Variants in ARHGAP26 observed in about 807,000 individuals in gnomAD.
ARHGAP26 encodes Rho GTPase activating protein 26.
In ARHGAP26, 38 loss-of-function variants were observed where a neutral mutation model predicts 104.8. The observed-to-expected ratio is 0.36, with a 90% CI of 0.28 to 0.48. The LOEUF is 0.48. Among genes scored for constraint, ARHGAP26 ranks in the 20% least tolerant of loss-of-function variants. The probability of loss-of-function intolerance (pLI) is 0.99; values close to 1 mark genes in which losing one functional copy is unlikely to be tolerated. For synonymous variants in ARHGAP26, 341 were observed against 340.0 expected (o/e 1.00, Z -0.03); for missense variants, 704 against 947.9 (o/e 0.74, Z 3.38).
intron 12 of ARHGAP26, among the ~76,000 whole-genome samples, chr5:143,032,958 T>C (rs1782104827): frequency 6.6e-6 from 1 of 152,230 alleles, no homozygotes; most frequent in Non-Finnish European, 1.5e-5. Context: ...GTTGATAACC[T>C]GTATTTCTTG....
intron 1 of ARHGAP26, among the ~76,000 whole-genome samples, chr5:142,795,481 A>C (rs1760805011): frequency 6.6e-6 from 1 of 152,068 alleles, no homozygotes; most frequent in Non-Finnish European, 1.5e-5. Flanking sequence ...AGGTTTTGGG[A>C]ACTTGGTGCC....
intron 11 of ARHGAP26, among the ~76,000 whole-genome samples, chr5:142,957,556 A>G (rs191284905): frequency 1.1e-3 from 164 of 152,316 alleles, no homozygotes; most frequent in African/African-American, 3.7e-3. Context: ...CATGTGCATA[A>G]TAGACAGTAG....
intron 20 of ARHGAP26, among the ~76,000 whole-genome samples, chr5:143,169,285 A>G (rs554303416): frequency 6.6e-6 from 1 of 152,386 alleles, no homozygotes; most frequent in South Asian, 2.1e-4. Flanking sequence ...AGTAACAGAA[A>G]ACCTAGCCCA....
At chr5:143,154,517 GGTAT>G (rs1241749098) in intron 20 of ARHGAP26, among the ~76,000 whole-genome samples, 1 of 152,196 alleles carries the variant, frequency 6.6e-6, no homozygotes, top group Non-Finnish European at 1.5e-5. Context: ...CCTCAGCCAT[GGTAT>G]GTATTTTTCC....
intron 20 of ARHGAP26, among the ~76,000 whole-genome samples, chr5:143,203,910 G>A (rs1363785737): frequency 6.6e-6 from 1 of 151,902 alleles, no homozygotes; most frequent in Non-Finnish European, 1.5e-5. Context: ...ACACACCGGG[G>A]CCTGTCAGGG....
intron 1 of ARHGAP26, among the ~76,000 whole-genome samples, chr5:142,773,296 C>A (rs1430805266): frequency 3.9e-5 from 6 of 152,138 alleles, no homozygotes; most frequent in African/African-American, 1.4e-4. Flanking sequence ...TTTAGATAAT[C>A]TATGTTCTCT....
chr5:142,998,751 AAAG>A (rs1185985932), intron 11 of ARHGAP26, among the ~76,000 whole-genome samples: 1 of 152,200 alleles, frequency 6.6e-6, no homozygotes, highest in Non-Finnish European at 1.5e-5. Context: ...GAACAAAAAA[AAAG>A]AAAAAGGAAA....
chr5:143,023,870 G>GCCCTCCTCCCCACA (rs1262960541), intron 12 of ARHGAP26, among the ~76,000 whole-genome samples: 4 of 152,248 alleles, frequency 2.6e-5, no homozygotes, highest in African/African-American at 9.6e-5. Context: ...GTTCCTTCCT[G>GCCCTCCTCCCCACA]CCCTCCTCCC....
At chr5:142,875,966 C>T (rs1756025218) in intron 3 of ARHGAP26, among the ~76,000 whole-genome samples, 1 of 152,194 alleles carries the variant, frequency 6.6e-6, no homozygotes. Context: ...TGATCTCGAA[C>T]TCCAAACCTT....
chr5:143,033,629 T>C (rs1017875307), intron 12 of ARHGAP26, among the ~76,000 whole-genome samples: 2 of 152,308 alleles, frequency 1.3e-5, no homozygotes, highest in African/African-American at 4.8e-5. Flanking sequence ...TTTATCGATG[T>C]TCAGAGGGTA....
intron 10 of ARHGAP26, among the ~76,000 whole-genome samples, chr5:142,926,783 C>T (rs1763967866): frequency 6.6e-6 from 1 of 152,148 alleles, no homozygotes; most frequent in African/African-American, 2.4e-5. Flanking sequence ...TGAAACTATA[C>T]ACACCTGCCC....
chr5:142,787,995 C>CT (rs71576156), intron 1 of ARHGAP26, among the ~76,000 whole-genome samples: 22,281 of 132,764 alleles, frequency 0.17, 4,154 homozygotes, highest in African/African-American at 0.47. Flanking sequence ...TTAACCAATT[C>CT]TTTTTTTTTT....
chr5:143,099,272 G>A (rs1178471766), intron 17 of ARHGAP26, among the ~76,000 whole-genome samples: 5 of 152,184 alleles, frequency 3.3e-5, no homozygotes, highest in African/African-American at 1.2e-4. Flanking sequence ...TTCCCAGAAA[G>A]TAAGGACCTA....
rs182498713 is a variant in ARHGAP26 at position 142,948,129 on chromosome 5, C to T, written c.1107+16004C>T. 6.6e-5 allele frequency among the ~76,000 whole-genome samples: 10 copies of T among 152,166 alleles called. No individual in the cohort carries two copies. The East Asian group carries it at 1.9e-3, about 29-fold the overall frequency. The stretch of plus-strand genomic sequence containing the variant: ...GCGGGCTTTGATGCGGCACTTTAGA[C>T]GTGGCACTTTCAAGCGATTCAGGAT... On this transcript the variant is annotated intron_variant, in intron 11 of 22. Transcript: ENST00000645722.
intron 11 of ARHGAP26, among the ~76,000 whole-genome samples, chr5:142,962,511 T>C (rs1163225498): frequency 1.3e-5 from 2 of 152,136 alleles, no homozygotes; most frequent in Non-Finnish European, 2.9e-5. Flanking sequence ...AGGGCATCTT[T>C]ATAGTCTTAA....
chr5:142,809,000 A>G (rs77540246), intron 1 of ARHGAP26, among the ~76,000 whole-genome samples: 2,519 of 152,312 alleles, frequency 0.017, 71 homozygotes, highest in African/African-American at 0.058. Flanking sequence ...TTTTTATAAG[A>G]TAAGTGCCTG....
At chr5:142,895,657 T>A (rs985992649) in intron 6 of ARHGAP26, among the ~76,000 whole-genome samples, 6 of 152,194 alleles carry the variant, frequency 3.9e-5, no homozygotes, top group Admixed American at 3.9e-4. Context: ...GTGGATTTTT[T>A]TAGGCATGTA....
At chr5:143,194,316 G>A (rs975883955) in intron 20 of ARHGAP26, 2 of 152,182 alleles carry the variant, frequency 1.3e-5, no homozygotes, top group Admixed American at 1.3e-4. Flanking sequence ...AGGATGGACT[G>A]GAATGGTAAA....
chr5:142,826,352 C>A (rs1767264185), intron 1 of ARHGAP26, among the ~76,000 whole-genome samples: 1 of 152,148 alleles, frequency 6.6e-6, no homozygotes, highest in African/African-American at 2.4e-5. Context: ...TCATTTAACC[C>A]CTACCACAAT....
Sources: allele counts gnomAD v4.1 joint callset (sites outside exome capture counted in the v4.1 genomes callset), GRCh38; gene constraint gnomAD v4.1.1; transcripts MANE v1.5; gene names NCBI Gene and HGNC (gene_info 2026-07-23, HGNC 2026-07-21).